The following SEPTIN7 variants were observed in gnomAD, a reference collection of about 807,000 sequenced individuals.
SEPTIN7 encodes septin 7, also known as septin-7.
In SEPTIN7, 10 loss-of-function variants were observed where a neutral mutation model predicts 63.3. That is an observed-to-expected ratio of 0.16 (90% confidence interval 0.10 to 0.27). The LOEUF (loss-of-function observed/expected upper bound fraction) is 0.27, where lower values mean the gene tolerates loss of function less well. Among genes scored for constraint, SEPTIN7 ranks in the 10% least tolerant of loss-of-function variants. The pLI is 1.00. For missense variants in SEPTIN7, 310 were observed against 521.0 expected (o/e 0.59, Z 3.94); for synonymous variants, 131 against 165.3 (o/e 0.79, Z 1.59).
chr7:35,904,804 GGA>G lies in SEPTIN7; in HGVS notation c.*512_*513del, dbSNP rs1491556082. The G allele has an allele frequency of 6.1e-5, 1 of 16,384 alleles. No homozygotes were observed. The highest frequency in any genetic ancestry group is 8.2e-5 in the African/African-American group (1 of 12,256). The allele number at this position is 16,384 out of a possible 1,614,324, so 1.0% of individuals were successfully genotyped here. The stretch of plus-strand genomic sequence containing the variant: ...ACTTCCATTGTTTAAAAATACACAT[GGA>G]AAAAAAAAAAACCCTATATGCTTAC... On this transcript the variant is annotated 3_prime_UTR_variant, in exon 14 of 14. Coordinates refer to ENST00000350320, the MANE Select transcript of SEPTIN7 (RefSeq NM_001788.6).
rs755357863 is a variant in SEPTIN7, at chr7:35,873,749, A to T, written c.486A>T (p.Leu162Phe). 5.6e-5 allele frequency: 90 copies of T among 1,610,544 alleles called. No individual in the cohort carries two copies. The highest frequency in any genetic ancestry group is 7.0e-5 in the Non-Finnish European group (83 of 1,178,984). ...QMPDNRVQCC[L>F]YFIAPSGHGL... Reference sequence around the variant, plus strand: ...CTGATAACAGGGTGCAGTGTTGTTTATACTTCATTGCTCCTTCAGGACATG... The same window carrying T: ...CTGATAACAGGGTGCAGTGTTGTTTTTACTTCATTGCTCCTTCAGGACATG... Residue 162 changes from leucine to phenylalanine, a missense_variant, in exon 6 of 14, where the codon TTA becomes TTT. Around this residue, in one of 2 missense-constraint regions of SEPTIN7, gnomAD observed 255 missense variants for 490.5 expected, o/e 0.52. Coordinates refer to ENST00000350320, the MANE Select transcript of SEPTIN7 (RefSeq NM_001788.6).
chr7:35,801,969 G>C (rs535519333), intron 1 of SEPTIN7, among the ~76,000 whole-genome samples: 1 of 152,178 alleles, frequency 6.6e-6, no homozygotes, highest in Non-Finnish European at 1.5e-5. Flanking sequence ...TCTTGAGAAC[G>C]GAGGGAGAAT....
intron 3 of SEPTIN7, among the ~76,000 whole-genome samples, chr7:35,854,413 G>A (rs1356655268): frequency 1.3e-5 from 2 of 152,182 alleles, no homozygotes; most frequent in Non-Finnish European, 2.9e-5. Flanking sequence ...AGCATTTTTG[G>A]TTGCCACAGC....
intron 11 of SEPTIN7, among the ~76,000 whole-genome samples, chr7:35,892,811 G>A (rs1038939002): frequency 6.6e-6 from 1 of 152,106 alleles, no homozygotes; most frequent in Non-Finnish European, 1.5e-5. Context: ...CTTAAAGAGA[G>A]GAATCATGAC....
chr7:35,875,795 A>AT (rs1786440968), intron 6 of SEPTIN7, among the ~76,000 whole-genome samples: 1 of 151,956 alleles, frequency 6.6e-6, no homozygotes, highest in Non-Finnish European at 1.5e-5. Flanking sequence ...ACATACATAC[A>AT]AAAAAAATTT....
At chr7:35,901,316 T>G (rs1363614471) in intron 12 of SEPTIN7, 1 of 152,170 alleles carries the variant, frequency 6.6e-6, no homozygotes, top group Non-Finnish European at 1.5e-5. Flanking sequence ...CACAGTCCTG[T>G]TTTTCACAAT....
At chr7:35,819,714 T>A (rs1215466053) in intron 1 of SEPTIN7, among the ~76,000 whole-genome samples, 1 of 152,174 alleles carries the variant, frequency 6.6e-6, no homozygotes, top group African/African-American at 2.4e-5. Context: ...ATATGTCTTT[T>A]AAGTCTGTGT....
chr7:35,825,362 T>A (rs1783444592), intron 1 of SEPTIN7, among the ~76,000 whole-genome samples: 1 of 152,156 alleles, frequency 6.6e-6, no homozygotes, highest in South Asian at 2.1e-4. Flanking sequence ...CTGTTTGTAG[T>A]TCCTATAAGG....
intron 1 of SEPTIN7, among the ~76,000 whole-genome samples, chr7:35,818,152 A>C (rs1342034777): frequency 6.6e-6 from 1 of 151,922 alleles, no homozygotes; most frequent in Middle Eastern, 3.2e-3. Flanking sequence ...GTTCCCTTGT[A>C]TGTCTAGTTT....
rs151136723 is a variant in SEPTIN7, at chr7:35,884,744, A to C, written c.820+757A>C. ...TTTGATATCTCATATTTAGAGTAAAAAAATTTCGTTAATAAGAGATCCTCT... is the reference window on the plus strand; with the variant it reads ...TTTGATATCTCATATTTAGAGTAAACAAATTTCGTTAATAAGAGATCCTCT... On this transcript the variant is annotated intron_variant, in intron 9 of 13. Transcript: ENST00000350320. Among the ~76,000 whole-genome samples, 237 of 152,250 alleles carry C rather than the reference A, an allele frequency of 1.6e-3. 1 individual carries two copies. Among genetic ancestry groups the C allele is most frequent in the African/African-American group, 5.6e-3 (231 of 41,566 alleles).
chr7:35,806,845 A>G (rs1043252023), intron 1 of SEPTIN7, among the ~76,000 whole-genome samples: 27 of 152,382 alleles, frequency 1.8e-4, no homozygotes, highest in Admixed American at 1.3e-3. Context: ...GATTTCAAAT[A>G]AAATGAACGT....
At chr7:35,897,994 A>G (rs1319346161) in intron 11 of SEPTIN7, among the ~76,000 whole-genome samples, 1 of 151,726 alleles carries the variant, frequency 6.6e-6, no homozygotes, top group Non-Finnish European at 1.5e-5. Context: ...TTTTTTTCCC[A>G]TTTTCCTTCT....
intron 3 of SEPTIN7, among the ~76,000 whole-genome samples, chr7:35,853,001 T>G (rs1422921487): frequency 2.0e-5 from 3 of 152,140 alleles, no homozygotes; most frequent in Admixed American, 2.0e-4. Flanking sequence ...AATTTGATAC[T>G]AGGGGTATCA....
At chr7:35,839,711 C>T (rs982161001) in intron 3 of SEPTIN7, among the ~76,000 whole-genome samples, 5 of 152,262 alleles carry the variant, frequency 3.3e-5, no homozygotes, top group South Asian at 2.1e-4. Context: ...GCCACCATCA[C>T]GCTCAGCTAA....
chr7:35,869,782 T>C (rs1277128137), intron 4 of SEPTIN7, among the ~76,000 whole-genome samples: 1 of 152,176 alleles, frequency 6.6e-6, no homozygotes, highest in African/African-American at 2.4e-5. Flanking sequence ...GAGGTCTCAA[T>C]AGATGAATTA....
downstream of SEPTIN7, among the ~76,000 whole-genome samples, chr7:35,909,344 A>G (rs1788696644): frequency 1.3e-5 from 2 of 152,172 alleles, no homozygotes; most frequent in Admixed American, 6.5e-5. Context: ...ATTAGTGCCT[A>G]TTTAGACCCC....
intron 1 of SEPTIN7, chr7:35,812,092 A>C (rs903255747): frequency 4.4e-6 from 1 of 229,600 alleles, no homozygotes; most frequent in Non-Finnish European, 9.2e-6. Flanking sequence ...AAGCCTCTGC[A>C]CTGCCTGGTG....
chr7:35,903,837 A>C (rs7789421), intron 13 of SEPTIN7, among the ~76,000 whole-genome samples: 49,598 of 151,990 alleles, frequency 0.33, 8,327 homozygotes, highest in East Asian at 0.4. Context: ...CTACTACACT[A>C]CCCTACTGTT....
At chr7:35,886,500 G>A (rs1403560706) in intron 10 of SEPTIN7, among the ~76,000 whole-genome samples, 1 of 152,170 alleles carries the variant, frequency 6.6e-6, no homozygotes, top group African/African-American at 2.4e-5. Context: ...AAGAAAAAGT[G>A]TAATAGGACT....
Sources: gnomAD v4.1 joint callset for allele counts (sites outside exome capture counted in the v4.1 genomes callset) on GRCh38, gnomAD v4.1.1 for gene constraint, gnomAD v4.1.1 regional missense constraint, MANE v1.5 for transcripts, NCBI Gene and HGNC (gene_info 2026-07-23, HGNC 2026-07-21) for gene names.